Variants in SNX8 observed in about 807,000 individuals in gnomAD.
SNX8 encodes the protein sorting nexin-8.
In SNX8, 25 loss-of-function variants were observed where a neutral mutation model predicts 51.6. That is an observed-to-expected ratio of 0.48 (90% CI 0.35 to 0.68). SNX8 has a LOEUF of 0.68. SNX8 is among the 30% of genes least tolerant of loss of function. The probability of loss-of-function intolerance (pLI) is 0.00; values close to 1 mark genes in which losing one functional copy is unlikely to be tolerated. For synonymous variants in SNX8, 324 were observed against 277.0 expected, an observed-to-expected ratio of 1.17 and a Z score of -1.68; for missense variants, 695 against 624.0, an observed-to-expected ratio of 1.11 and a Z score of -1.21.
chr7:2,316,890 G>T (rs1455283203), upstream of SNX8, among the ~76,000 whole-genome samples: 3 of 152,222 alleles, frequency 2.0e-5, no homozygotes, highest in Non-Finnish European at 4.4e-5. Context: ...CCCTGTGCTG[G>T]GTGCTGAGAA....
intron 1 of SNX8, among the ~76,000 whole-genome samples, chr7:2,345,743 G>A (rs1183626069): frequency 6.6e-6 from 1 of 151,294 alleles, no homozygotes; most frequent in Non-Finnish European, 1.5e-5. Context: ...TCAACATTCT[G>A]GTTGTGATAT....
At chr7:2,313,336 G>T (rs1796696769) in intron 1 of SNX8, among the ~76,000 whole-genome samples, 1 of 151,648 alleles carries the variant, frequency 6.6e-6, no homozygotes, top group Admixed American at 6.6e-5. Context: ...GACCAGCCTG[G>T]CCAACATGGT....
At chr7:2,259,252 T>TGGCA (rs976902210) in intron 7 of SNX8, among the ~76,000 whole-genome samples, 22 of 152,164 alleles carry the variant, frequency 1.4e-4, no homozygotes, top group African/African-American at 5.3e-4. Flanking sequence ...GCCAGGCCGA[T>TGGCA]GGCAGGTATC....
At chr7:2,289,187 G>A (rs946773858) in intron 1 of SNX8, among the ~76,000 whole-genome samples, 1 of 152,100 alleles carries the variant, frequency 6.6e-6, no homozygotes, top group African/African-American at 2.4e-5. Context: ...ATGTGTCCTC[G>A]TCGCCTCCTC....
chr7:2,286,265 G>T (rs904522514), intron 1 of SNX8, among the ~76,000 whole-genome samples: 2 of 150,622 alleles, frequency 1.3e-5, no homozygotes, highest in African/African-American at 4.9e-5. Context: ...GCCTGCCTCG[G>T]CCTCCCAAAG....
Position 2,314,390 on chromosome 7 carries a change from G to A in SNX8, c.32C>T (p.Ala11Val). 1 of 1,220,884 alleles carries A rather than the reference G, an allele frequency of 8.2e-7. No homozygotes were observed. The highest frequency in any genetic ancestry group is 1.0e-6 in the Non-Finnish European group (1 of 980,592). The allele number at this position is 1,220,884 out of a possible 1,614,324, so 75.6% of individuals were successfully genotyped here. A position where few individuals can be genotyped will look rare whatever the true frequency, so the allele number is the denominator to read the frequency against. ...CTCAGCTGCCGCCCCGACTGCAGCC[G>A]CGGGCAGCGGGTCCATCGCGCGGCC... MTGRAMDPLP[A>V]AAVGAAAEAE... Residue 11 changes from alanine (A) to valine (V), a missense_variant, in exon 1 of 11, where the codon GCG becomes GTG. By Grantham distance (64) the Ala-to-Val change is moderately conservative (BLOSUM62 0). Coordinates refer to ENST00000222990, the MANE Select transcript of SNX8 (RefSeq NM_013321.4).
chr7:2,278,035 G>A, intron 2 of SNX8, 65 bp downstream of exon 2: 1 of 1,566,908 alleles, frequency 6.4e-7, no homozygotes, highest in Non-Finnish European at 8.7e-7. Context: ...CTCCTGCCCT[G>A]AGATGTTGAG....
chr7:2,257,827 C>T (rs773066328), intron 7 of SNX8, 24 bp from the exon 8 acceptor site: 19 of 1,611,742 alleles, frequency 1.2e-5, no homozygotes, highest in Non-Finnish European at 1.4e-5. Flanking sequence ...GGGAGCTCAC[C>T]CACGCGGACG....
At chr7:2,322,978 C>T (rs1404315369) in intron 1 of SNX8, among the ~76,000 whole-genome samples, 2 of 151,832 alleles carry the variant, frequency 1.3e-5, no homozygotes, top group Non-Finnish European at 2.9e-5. Context: ...GATCTTGCTG[C>T]TGCACTCCAG....
chr7:2,314,862 A>C (rs919385428), upstream of SNX8, among the ~76,000 whole-genome samples: 20 of 152,152 alleles, frequency 1.3e-4, no homozygotes, highest in Admixed American at 1.1e-3. Context: ...TCACCCACGC[A>C]CTGCATCCTG....
intron 1 of SNX8, among the ~76,000 whole-genome samples, chr7:2,307,408 G>A (rs1285979832): frequency 2.6e-5 from 4 of 151,962 alleles, no homozygotes; most frequent in Admixed American, 2.6e-4. Context: ...CAAGGCGGGG[G>A]GATCACTGAG....
chr7:2,312,762 C>G (rs1025723798), intron 1 of SNX8, among the ~76,000 whole-genome samples: 1 of 152,142 alleles, frequency 6.6e-6, no homozygotes, highest in Admixed American at 6.6e-5. Context: ...TTGTCCCCCC[C>G]CACCAAGAAG....
upstream of SNX8, among the ~76,000 whole-genome samples, chr7:2,317,520 G>A (rs1210968701): frequency 6.6e-6 from 1 of 151,600 alleles, no homozygotes; most frequent in African/African-American, 2.4e-5. Flanking sequence ...CAAGTGATCC[G>A]CCCACCTTGG....
chr7:2,325,365 A>T (rs1019622604), intron 1 of SNX8, among the ~76,000 whole-genome samples: 6 of 152,178 alleles, frequency 3.9e-5, no homozygotes, highest in Non-Finnish European at 7.4e-5. Flanking sequence ...ATTGGTTGTT[A>T]CTAGAAATAG....
intron 1 of SNX8, among the ~76,000 whole-genome samples, chr7:2,328,196 C>G (rs1260399269): frequency 6.6e-6 from 1 of 152,120 alleles, no homozygotes; most frequent in Non-Finnish European, 1.5e-5. Flanking sequence ...GGACTACAGG[C>G]ACGTGTCACC....
At chr7:2,313,032 G>A (rs1796688929) in intron 1 of SNX8, among the ~76,000 whole-genome samples, 1 of 151,946 alleles carries the variant, frequency 6.6e-6, no homozygotes, top group African/African-American at 2.4e-5. Context: ...CGAGTAGCTG[G>A]GACTACAGGC....
intron 1 of SNX8, among the ~76,000 whole-genome samples, chr7:2,284,095 A>C (rs1795967952): frequency 2.0e-5 from 3 of 151,530 alleles, no homozygotes; most frequent in Non-Finnish European, 4.4e-5. Context: ...ACGCCCGGCT[A>C]ATTTTTGTAT....
At position 2,337,460 on chromosome 7, in the gene SNX8, A is replaced by C. The variant is rs534892097; in HGVS notation, c.-66+16762T>G. Among the ~76,000 whole-genome samples, 7 of 152,054 alleles carry C rather than the reference A, an allele frequency of 4.6e-5. No homozygotes were observed. In the South Asian group the frequency reaches 1.5e-3, roughly 32 times the overall value. On this transcript the variant is annotated intron_variant, in intron 1 of 5. Coordinates refer to the SNX8 transcript ENST00000435336. Reference sequence around the variant, plus strand: ...CAAGACCCTGTCACAAAACAAAACAAAAGTCTGTGCATTTCCCTTATGTAA... The same window carrying C: ...CAAGACCCTGTCACAAAACAAAACACAAGTCTGTGCATTTCCCTTATGTAA...
At chr7:2,300,706 A>C (rs940848249) in intron 1 of SNX8, among the ~76,000 whole-genome samples, 2 of 151,464 alleles carry the variant, frequency 1.3e-5, no homozygotes, top group African/African-American at 4.9e-5. Flanking sequence ...GCAGTGGTGC[A>C]ATCTTGGCTC....
Sources: gnomAD v4.1 joint callset for allele counts (sites outside exome capture counted in the v4.1 genomes callset) on GRCh38, gnomAD v4.1.1 for gene constraint, MANE v1.5 for transcripts, NCBI Gene and HGNC (gene_info 2026-07-23, HGNC 2026-07-21) for gene names.